Variants in HABP2 observed in about 807,000 individuals in gnomAD.
HABP2 encodes factor VII-activating protease.
Under a neutral mutation model 66.5 loss-of-function variants are expected in HABP2, and 65 were observed. The ratio of observed to expected loss-of-function variants is 0.98; its 90% CI spans 0.80 to 1.20. HABP2 has a LOEUF of 1.20. Among genes scored for constraint, HABP2 ranks in the 50% most tolerant of loss-of-function variants. The pLI, the probability that HABP2 is intolerant of heterozygous loss-of-function variation, is 0.00. For synonymous variants in HABP2, 263 were observed against 253.9 expected, an observed-to-expected ratio of 1.04 and a Z score of -0.34; for missense variants, 786 against 691.0, an observed-to-expected ratio of 1.14 and a Z score of -1.54.
chr10:113,583,458 T>A (rs947380711), intron 10 of HABP2, 100 bp downstream of exon 10: 15 of 1,082,598 alleles, frequency 1.4e-5, no homozygotes, highest in Non-Finnish European at 2.1e-5. Flanking sequence ...CTCTTGATTG[T>A]TTTTGGTCCC....
chr10:113,567,438 C>T (rs1224576067), intron 1 of HABP2, 51 bp from the exon 2 acceptor site: 13 of 1,463,130 alleles, frequency 8.9e-6, no homozygotes, highest in African/African-American at 6.9e-5. Context: ...AGGAGCACGC[C>T]CGGCAGAGCT....
chr10:113,553,272 A>T, intron 1 of HABP2, 82 bp downstream of exon 1: 1 of 1,013,516 alleles, frequency 9.9e-7, no homozygotes, highest in Admixed American at 1.8e-5. Context: ...AGTGATGAGA[A>T]ACTTTAGAGT....
At position 113,576,004 on chromosome 10, in the gene HABP2, G is replaced by A; in HGVS notation, c.331G>A (p.Val111Met). ...TTTCTCTGGGAATAAGTGTCAGAAA[G>A]GTGAGTCCGTCATCACTAGTCCACT... ...APFSGNKCQK[V>M]QNTCKDNPCG... The change falls in exon 4 of 13, where the codon GTG (valine) becomes ATG (methionine). Residue 111 changes from valine (V) to methionine (M), a missense_variant and splice_region_variant. Val to Met is a conservative substitution (Grantham distance 21). Coordinates refer to ENST00000351270, the MANE Select transcript of HABP2 (RefSeq NM_004132.5). The A allele has an allele frequency of 2.6e-6, 4 of 1,527,906 alleles. No individual in the cohort carries two copies. The highest frequency in any genetic ancestry group is 2.2e-5 in the East Asian group (1 of 44,452). The allele number at this position is 1,527,906 out of a possible 1,614,324, so 94.6% of individuals were successfully genotyped here. A position where few individuals can be genotyped will look rare whatever the true frequency, so the allele number is the denominator to read the frequency against.
Position 113,567,446 on chromosome 10 carries a change from G to C in HABP2, c.70-43G>C, listed in dbSNP as rs7098547. ...ACAGCTAAGGAGCACGCCCGGCAGA[G>C]CTCCATCTCAACGCTGATCTGCTGT... is the stretch of plus-strand genomic sequence containing the variant. On this transcript the variant is annotated intron_variant, in intron 1 of 12. Transcript: ENST00000351270. The C allele has an allele frequency of 1.3e-3, 2,041 of 1,533,674 alleles. 16 individuals carry two copies. The African/African-American group carries it at 0.022, about 16-fold the overall frequency.
chr10:113,579,185 G>A (rs1386420043), intron 7 of HABP2, among the ~76,000 whole-genome samples: 1 of 151,876 alleles, frequency 6.6e-6, no homozygotes, highest in Non-Finnish European at 1.5e-5. Context: ...TCTGAACCCA[G>A]GAGGTCGAGG....
intron 2 of HABP2, among the ~76,000 whole-genome samples, chr10:113,572,279 C>G (rs1845328242): frequency 6.6e-6 from 1 of 152,208 alleles, no homozygotes; most frequent in African/African-American, 2.4e-5. Context: ...AAGTCAAAAT[C>G]CTCTAACAGA....
Position 113,582,117 on chromosome 10 carries a change from T to TGCC in HABP2, c.1081_1083dup (p.Ala361dup). ...TCCACCCCTGCTGGGTGCTCACTGC[T>TGCC]GCCCACTGCACCGAGTAGGTGCCGC... On this transcript the variant is annotated inframe_insertion, in exon 9 of 13. Transcript: ENST00000351270. 1 of 1,607,050 alleles carries TGCC rather than the reference T, an allele frequency of 6.2e-7. No homozygotes were observed. Among genetic ancestry groups the TGCC allele is most frequent in the Non-Finnish European group, 8.5e-7 (1 of 1,179,682 alleles).
Position 113,577,214 on chromosome 10 carries a change from C to T in HABP2, c.396C>T (p.Pro132=), listed in dbSNP as rs111397043. 679 of 1,613,114 alleles carry T rather than the reference C, an allele frequency of 4.2e-4. 1 individual carries two copies. The highest frequency in any genetic ancestry group is 8.5e-4 in the Admixed American group (51 of 60,024). ...RGQCLITQSP[P]YYRCVCKHPY... Reference sequence around the variant, plus strand: ...AATGTCTCATTACCCAGAGTCCTCCCTACTACCGCTGTGTCTGTAAACACC... The same window carrying T: ...AATGTCTCATTACCCAGAGTCCTCCTTACTACCGCTGTGTCTGTAAACACC... The change falls in exon 5 of 13, where the codon CCC becomes CCT. Residue 132 remains proline, a synonymous_variant. Transcript: ENST00000351270.
chr10:113,567,905 C>T (rs1393469707), intron 2 of HABP2, among the ~76,000 whole-genome samples: 1 of 152,228 alleles, frequency 6.6e-6, no homozygotes, highest in Non-Finnish European at 1.5e-5. Flanking sequence ...ATGCATGGCT[C>T]CAGGCAGGCC....
rs190671125 is a variant in HABP2, at chr10:113,588,617, C to G, written c.*248C>G. The stretch of plus-strand genomic sequence containing the variant: ...GAATCAACACAACATAGTATGTTTG[C>G]TTTCCTTACCCAATTGTACCTTCTA... On this transcript the variant is annotated 3_prime_UTR_variant, in exon 13 of 13. Transcript: ENST00000351270. The G allele has an allele frequency of 5.6e-6, 3 of 532,040 alleles. No individual in the cohort carries two copies. The East Asian group carries it at 8.9e-5, about 16-fold the overall frequency. The allele number at this position is 532,040 out of a possible 1,614,324, so 33.0% of individuals were successfully genotyped here. A position where few individuals can be genotyped will look rare whatever the true frequency, so the allele number is the denominator to read the frequency against.
chr10:113,571,381 T>C (rs1156790920), intron 2 of HABP2, among the ~76,000 whole-genome samples: 4 of 152,214 alleles, frequency 2.6e-5, no homozygotes, highest in Non-Finnish European at 4.4e-5. Context: ...TAGGCCAAAC[T>C]GTTCACATGG....
At chr10:113,574,243 G>A (rs747742981) in intron 2 of HABP2, 46 bp from the exon 3 acceptor site, 17 of 937,674 alleles carry the variant, frequency 1.8e-5, no homozygotes, top group Non-Finnish European at 2.3e-5. Flanking sequence ...TGGCCTATTT[G>A]AGTGTAATGA....
chr10:113,579,537 G>C (rs1212803823), intron 7 of HABP2, among the ~76,000 whole-genome samples: 1 of 152,224 alleles, frequency 6.6e-6, no homozygotes, highest in Non-Finnish European at 1.5e-5. Context: ...GAAGGTGATG[G>C]TCTCTGGCCC....
chr10:113,583,240 G>A lies in HABP2; in HGVS notation c.1119G>A (p.Val373=), dbSNP rs763785606. Residue 373 remains valine (V), a synonymous_variant, in exon 10 of 13, where the codon GTG becomes GTA. Coordinates refer to ENST00000351270, the MANE Select transcript of HABP2 (RefSeq NM_004132.5). ...CTDIKTRHLK[V]VLGDQDLKKE... ...GCATAAAAACCAGACATCTAAAGGT[G>A]GTGCTAGGGGACCAGGACCTGAAGA... 6.2e-7 allele frequency: 1 copy of A among 1,613,576 alleles called. No homozygotes were observed. The highest frequency in any genetic ancestry group is 8.5e-7 in the Non-Finnish European group (1 of 1,179,618).
chr10:113,562,051 C>T (rs1166093370), intron 1 of HABP2, among the ~76,000 whole-genome samples: 1 of 152,162 alleles, frequency 6.6e-6, no homozygotes, highest in African/African-American at 2.4e-5. Flanking sequence ...TGCTCCTAAC[C>T]TTGAAGTCAG....
intron 1 of HABP2, among the ~76,000 whole-genome samples, chr10:113,556,562 T>A (rs113058056): frequency 3.6e-4 from 54 of 152,034 alleles, no homozygotes; most frequent in African/African-American, 1.2e-3. Context: ...AAATTTTTTT[T>A]AAATTAAGCG....
In HABP2 at chr10:113,584,212, G is replaced by A. The variant is rs777282949; in HGVS notation, c.1302G>A (p.Val434=). 6.2e-6 allele frequency: 10 copies of A among 1,613,604 alleles called. No homozygotes were observed. The East Asian group carries it at 1.8e-4, about 29-fold the overall frequency. ...CALESKYVKT[V]CLPDGSFPSG... ...TAGAATCCAAATACGTGAAGACTGT[G>A]TGCTTGCCTGATGGGTCCTTTCCCT... The change falls in exon 11 of 13, where the codon GTG becomes GTA. Residue 434 remains valine (V), a synonymous_variant. Transcript: ENST00000351270.
chr10:113,574,933 G>A (rs945825748), intron 3 of HABP2, among the ~76,000 whole-genome samples: 4 of 152,100 alleles, frequency 2.6e-5, no homozygotes, highest in East Asian at 3.9e-4. Flanking sequence ...TAGATTGTGT[G>A]TGTGTATGTG....
chr10:113,556,781 T>C (rs1326466307), intron 1 of HABP2, among the ~76,000 whole-genome samples: 2 of 148,286 alleles, frequency 1.3e-5, no homozygotes, highest in Admixed American at 1.3e-4. Context: ...CCTGCTCCTC[T>C]CTCTTTCTTT....
Sources: allele counts gnomAD v4.1 joint callset (sites outside exome capture counted in the v4.1 genomes callset), GRCh38; gene constraint gnomAD v4.1.1; transcripts MANE v1.5; gene names NCBI Gene and HGNC (gene_info 2026-07-23, HGNC 2026-07-21).